The following CTNNA3 variants were observed in gnomAD, a reference collection of about 807,000 sequenced individuals.
The protein encoded by CTNNA3 is catenin alpha 3.
CTNNA3 carries 76 observed loss-of-function variants against 95.7 expected under a neutral mutation model. The ratio of observed to expected loss-of-function variants is 0.79; its 90% CI spans 0.66 to 0.96. CTNNA3 has a LOEUF of 0.96. CTNNA3 is among the 40% of genes least tolerant of loss of function. The pLI, the probability that CTNNA3 is intolerant of heterozygous loss-of-function variation, is 0.00. For synonymous variants in CTNNA3, 431 were observed against 374.4 expected, an observed-to-expected ratio of 1.15 and a Z score of -1.74; for missense variants, 1,191 against 1,089.8, an observed-to-expected ratio of 1.09 and a Z score of -1.31.
At chr10:67,323,540 T>C (rs1841413498) in intron 5 of CTNNA3, among the ~76,000 whole-genome samples, 1 of 152,168 alleles carries the variant, frequency 6.6e-6, no homozygotes, top group Non-Finnish European at 1.5e-5. Context: ...TGTGGCCTTA[T>C]TTCTGGGTTC....
chr10:66,376,112 G>A (rs114196719), intron 12 of CTNNA3, among the ~76,000 whole-genome samples: 3,720 of 152,138 alleles, frequency 0.024, 154 homozygotes, highest in African/African-American at 0.086. Flanking sequence ...ATTTTATAGC[G>A]TTCATAAATC....
chr10:66,206,883 C>T (rs992580887), intron 13 of CTNNA3, among the ~76,000 whole-genome samples: 2 of 151,848 alleles, frequency 1.3e-5, no homozygotes, highest in African/African-American at 4.8e-5. Context: ...CTTTTAATTA[C>T]TGTCTATTAA....
chr10:67,726,605 T>TGA (rs1564841333), intron 1 of CTNNA3, among the ~76,000 whole-genome samples: 1 of 26,986 alleles, frequency 3.7e-5, no homozygotes, highest in Non-Finnish European at 6.3e-5. Flanking sequence ...ATATTACATA[T>TGA]TATATAATAT....
At chr10:67,700,158 G>A (rs1438357376), upstream of CTNNA3, among the ~76,000 whole-genome samples, 1 of 152,234 alleles carries the variant, frequency 6.6e-6, no homozygotes, top group Non-Finnish European at 1.5e-5. Context: ...AGCTCAAGGA[G>A]GCCTGCCTGC....
chr10:67,352,382 A>G (rs1842668509), intron 5 of CTNNA3, among the ~76,000 whole-genome samples: 2 of 152,012 alleles, frequency 1.3e-5, no homozygotes, highest in Admixed American at 1.3e-4. Context: ...TGATGTATTT[A>G]TTCCTTGACT....
chr10:66,941,002 T>A (rs1453072284), intron 7 of CTNNA3, among the ~76,000 whole-genome samples: 1 of 152,140 alleles, frequency 6.6e-6, no homozygotes, highest in Non-Finnish European at 1.5e-5. Flanking sequence ...AATTAAACCT[T>A]CTCCACCTGT....
chr10:67,445,105 T>C (rs1228124257), intron 5 of CTNNA3, among the ~76,000 whole-genome samples: 2 of 151,380 alleles, frequency 1.3e-5, no homozygotes, highest in African/African-American at 4.9e-5. Flanking sequence ...AGGCGAGTAT[T>C]ACCCTGACAC....
intron 1 of CTNNA3, among the ~76,000 whole-genome samples, chr10:67,681,387 T>C (rs1214954238): frequency 2.6e-5 from 4 of 152,246 alleles, no homozygotes; most frequent in Admixed American, 6.5e-5. Context: ...ACTTAGCTTA[T>C]GATAAATACG....
intron 10 of CTNNA3, among the ~76,000 whole-genome samples, chr10:66,614,920 T>A (rs1844456756): frequency 6.6e-6 from 1 of 152,026 alleles, no homozygotes; most frequent in South Asian, 2.1e-4. Context: ...TTCATCATGA[T>A]TTTTGTTAAT....
chr10:67,443,982 G>A (rs1217926727), intron 5 of CTNNA3, among the ~76,000 whole-genome samples: 2 of 152,036 alleles, frequency 1.3e-5, no homozygotes, highest in African/African-American at 4.8e-5. Context: ...TTCAGAATTG[G>A]ACAGATCTTC....
chr10:65,920,467 T>G lies in CTNNA3; in HGVS notation c.2551A>C (p.Lys851Gln). ...ATCAAGGGTTTTTTTGCAGGAGCCT[T>G]CATTCTCCACATCACAACTGGGTGC... ...PRHPVVMWRM[K>Q]APAKKPLIKR... is the part of the protein sequence containing the mutation. Residue 851 changes from lysine (K) to glutamine (Q), a missense_variant, in exon 18 of 18, where the codon AAG becomes CAG. By Grantham distance (53) the Lys-to-Gln change is moderately conservative. Transcript: ENST00000433211. 1.2e-6 allele frequency: 2 copies of G among 1,614,180 alleles called. No homozygotes were observed. The highest frequency in any genetic ancestry group is 4.5e-5 in the East Asian group (2 of 44,878).
At chr10:67,743,311 G>C (rs1256823866) in intron 1 of CTNNA3, among the ~76,000 whole-genome samples, 1 of 151,188 alleles carries the variant, frequency 6.6e-6, no homozygotes, top group Non-Finnish European at 1.5e-5. Flanking sequence ...CCATGATCAA[G>C]TGGGCTTCAT....
chr10:66,750,995 C>T (rs1020391430), intron 9 of CTNNA3, among the ~76,000 whole-genome samples: 1 of 152,020 alleles, frequency 6.6e-6, no homozygotes, highest in Non-Finnish European at 1.5e-5. Flanking sequence ...CCAGGCTGGG[C>T]GTGGTGGCTC....
At chr10:67,432,364 G>C (rs573977451) in intron 5 of CTNNA3, among the ~76,000 whole-genome samples, 10 of 152,050 alleles carry the variant, frequency 6.6e-5, no homozygotes, top group African/African-American at 2.4e-4. Context: ...TAAACAAATT[G>C]CTACAACCTT....
chr10:67,619,729 T>C (rs943364105), intron 2 of CTNNA3, among the ~76,000 whole-genome samples: 4 of 152,144 alleles, frequency 2.6e-5, no homozygotes, highest in South Asian at 4.1e-4. Flanking sequence ...AAAGCTGTAA[T>C]GGCTCTCAAC....
chr10:66,294,708 G>A (rs1184534485), intron 12 of CTNNA3, among the ~76,000 whole-genome samples: 1 of 152,054 alleles, frequency 6.6e-6, no homozygotes, highest in African/African-American at 2.4e-5. Context: ...GTAATGCAAA[G>A]GAAGAATTCC....
chr10:67,270,501 A>T (rs191884510), intron 5 of CTNNA3, among the ~76,000 whole-genome samples: 4 of 152,298 alleles, frequency 2.6e-5, no homozygotes, highest in African/African-American at 9.6e-5. Flanking sequence ...TAATACACTA[A>T]TTGCAAAGTT....
chr10:67,628,777 A>G (rs2133429691), intron 2 of CTNNA3, among the ~76,000 whole-genome samples: 1 of 152,184 alleles, frequency 6.6e-6, no homozygotes, highest in South Asian at 2.1e-4. Flanking sequence ...CCACAAAAAA[A>G]AGACCAAATA....
At chr10:66,607,472 C>CAAAAAAAAAAAAAAAAA (rs574854850) in intron 10 of CTNNA3, among the ~76,000 whole-genome samples, 21 of 45,284 alleles carry the variant, frequency 4.6e-4, no homozygotes, top group South Asian at 1.1e-3. Flanking sequence ...CAGAGACAAC[C>CAAAAAAAAAAAAAAAAA]AAAAAAAAAA....
Sources: gnomAD v4.1 joint callset for allele counts (sites outside exome capture counted in the v4.1 genomes callset) on GRCh38, gnomAD v4.1.1 for gene constraint, MANE v1.5 for transcripts, NCBI Gene and HGNC (gene_info 2026-07-23, HGNC 2026-07-21) for gene names.